The following ADAM9 variants were observed in gnomAD, a reference collection of about 807,000 sequenced individuals.
ADAM9 encodes the protein disintegrin and metalloproteinase domain-containing protein 9.
A neutral mutation model predicts 108.1 loss-of-function variants in ADAM9; 54 were observed. The observed-to-expected ratio is 0.50, with a 90% CI of 0.40 to 0.63. The LOEUF (loss-of-function observed/expected upper bound fraction) is 0.63. Ranked by LOEUF, ADAM9 falls within the 20% of genes least tolerant of loss-of-function variation. ADAM9 has a pLI of 0.00. For missense variants in ADAM9, 830 were observed against 997.7 expected, an observed-to-expected ratio of 0.83 and a Z score of 2.26; for synonymous variants, 316 against 336.0, an observed-to-expected ratio of 0.94 and a Z score of 0.65.
intron 8 of ADAM9, 89 bp from the exon 9 acceptor site, chr8:39,023,067 A>G: frequency 8.2e-7 from 1 of 1,212,700 alleles, no homozygotes; most frequent in Non-Finnish European, 1.2e-6. Context: ...GGGAGTTTTA[A>G]TTTAAGTAGC....
intron 16 of ADAM9, among the ~76,000 whole-genome samples, chr8:39,078,222 C>G (rs953100750): frequency 2.0e-5 from 3 of 152,136 alleles, no homozygotes; most frequent in Admixed American, 1.3e-4. Context: ...GTCCTTGCAA[C>G]TAAATAAACT....
chr8:39,044,483 T>C (rs945671105), intron 12 of ADAM9, among the ~76,000 whole-genome samples: 1 of 152,176 alleles, frequency 6.6e-6, no homozygotes, highest in Non-Finnish European at 1.5e-5. Flanking sequence ...GGGGTACATA[T>C]GTATGTTTGT....
At chr8:39,035,793 G>A (rs1363581152) in intron 11 of ADAM9, among the ~76,000 whole-genome samples, 1 of 151,944 alleles carries the variant, frequency 6.6e-6, no homozygotes, top group Non-Finnish European at 1.5e-5. Context: ...TTCCAGCCTG[G>A]GTGACAGAGC....
chr8:39,056,009 A>G (rs1271195235), intron 14 of ADAM9, among the ~76,000 whole-genome samples: 1 of 152,148 alleles, frequency 6.6e-6, no homozygotes, highest in Non-Finnish European at 1.5e-5. Context: ...GCACACACAC[A>G]GATACATATA....
intron 2 of ADAM9, among the ~76,000 whole-genome samples, chr8:39,009,940 C>CAAA (rs1836296348): frequency 1.2e-5 from 1 of 85,294 alleles, no homozygotes; most frequent in Admixed American, 1.3e-4. Flanking sequence ...GAGACAAAAA[C>CAAA]AAAAACAACA....
chr8:39,051,772 TATG>T (rs1837965087), intron 12 of ADAM9, among the ~76,000 whole-genome samples: 1 of 152,232 alleles, frequency 6.6e-6, no homozygotes, highest in African/African-American at 2.4e-5. Flanking sequence ...ATCATTTTAT[TATG>T]TAGACATAGC....
chr8:39,088,422 T>C (rs1306048736), intron 18 of ADAM9, among the ~76,000 whole-genome samples: 1 of 151,268 alleles, frequency 6.6e-6, no homozygotes, highest in Non-Finnish European at 1.5e-5. Context: ...GCCCAGCTAA[T>C]TTTTTTTTGT....
At chr8:39,081,959 C>T (rs1017410529) in intron 16 of ADAM9, among the ~76,000 whole-genome samples, 3 of 152,022 alleles carry the variant, frequency 2.0e-5, no homozygotes, top group Admixed American at 6.5e-5. Context: ...GAGCTGATTT[C>T]TTTAGATCTT....
At chr8:39,082,064 T>G (rs1195087134) in intron 16 of ADAM9, among the ~76,000 whole-genome samples, 8 of 152,192 alleles carry the variant, frequency 5.3e-5, no homozygotes, top group Non-Finnish European at 1.2e-4. Context: ...TAGAATTTCT[T>G]GAACCATGTA....
intron 12 of ADAM9, among the ~76,000 whole-genome samples, chr8:39,042,905 G>T (rs1837496495): frequency 6.6e-6 from 1 of 152,176 alleles, no homozygotes; most frequent in East Asian, 1.9e-4. Flanking sequence ...CTGTTGATCG[G>T]CAGCTCCCCA....
At chr8:39,092,802 C>T (rs1839396826) in intron 20 of ADAM9, among the ~76,000 whole-genome samples, 1 of 151,662 alleles carries the variant, frequency 6.6e-6, no homozygotes, top group South Asian at 2.1e-4. Context: ...TATGAAATAC[C>T]AGTTCATTTT....
chr8:39,077,886 T>C (rs1369217697), intron 16 of ADAM9, among the ~76,000 whole-genome samples: 2 of 152,176 alleles, frequency 1.3e-5, no homozygotes, highest in Non-Finnish European at 2.9e-5. Context: ...ATTCCTTTTT[T>C]TGGAGAATAT....
chr8:39,094,693 A>T (rs901496380), intron 20 of ADAM9, among the ~76,000 whole-genome samples: 3 of 151,852 alleles, frequency 2.0e-5, no homozygotes, highest in African/African-American at 7.3e-5. Context: ...TCTAGGTTCA[A>T]TTTGTTGGTG....
At chr8:39,071,757 G>A (rs573437603) in intron 15 of ADAM9, among the ~76,000 whole-genome samples, 7 of 152,168 alleles carry the variant, frequency 4.6e-5, no homozygotes, top group African/African-American at 1.7e-4. Flanking sequence ...GAGCCACTGT[G>A]CCCGGCCGTC....
At chr8:39,079,654 A>G (rs1404133487) in intron 16 of ADAM9, among the ~76,000 whole-genome samples, 1 of 150,286 alleles carries the variant, frequency 6.7e-6, no homozygotes, top group Non-Finnish European at 1.5e-5. Context: ...CAGTGGTGCA[A>G]TCTCAGTGCA....
At chr8:39,060,695 T>C (rs928008167) in intron 14 of ADAM9, among the ~76,000 whole-genome samples, 1 of 152,266 alleles carries the variant, frequency 6.6e-6, no homozygotes, top group Non-Finnish European at 1.5e-5. Context: ...AGTTGCTGTT[T>C]CTTGCTCACT....
rs1472191369 is a variant in ADAM9, at chr8:39,014,019, A to G, written c.309A>G (p.Leu103=). 2 of 1,613,414 alleles carry G rather than the reference A, an allele frequency of 1.2e-6. No homozygotes were observed. Among genetic ancestry groups the G allele is most frequent in the South Asian group, 1.1e-5 (1 of 91,070 alleles). The change falls in exon 4 of 22, where the codon TTA becomes TTG. Residue 103 remains leucine, a synonymous_variant. Coordinates refer to ENST00000487273, the MANE Select transcript of ADAM9 (RefSeq NM_003816.3). ...VVYTYNKEGT[L]ITDHPNIQNH... ...ATACTTACAACAAGGAAGGGACTTTAATCACTGACCATCCCAATATACAGG... is the reference window on the plus strand; with the variant it reads ...ATACTTACAACAAGGAAGGGACTTTGATCACTGACCATCCCAATATACAGG...
At chr8:39,071,259 T>C in intron 14 of ADAM9, 39 bp from the exon 15 acceptor site, 1 of 1,593,966 alleles carries the variant, frequency 6.3e-7, no homozygotes, top group East Asian at 2.3e-5. Flanking sequence ...TAAATTGCCA[T>C]AACTTTTTTT....
chr8:39,066,939 G>A (rs1838498009), intron 14 of ADAM9, among the ~76,000 whole-genome samples: 1 of 152,188 alleles, frequency 6.6e-6, no homozygotes, highest in Admixed American at 6.5e-5. Context: ...TAAGGTGTAA[G>A]GAAGGGATCC....
Sources: gnomAD v4.1 joint callset for allele counts (sites outside exome capture counted in the v4.1 genomes callset) on GRCh38, gnomAD v4.1.1 for gene constraint, MANE v1.5 for transcripts, NCBI Gene and HGNC (gene_info 2026-07-23, HGNC 2026-07-21) for gene names.